DSCAM: variants seen among roughly 807,000 people sequenced by gnomAD.
DSCAM encodes DS cell adhesion molecule.
Under a neutral mutation model 217.7 loss-of-function variants are expected in DSCAM, and 47 were observed. The observed-to-expected ratio is 0.22, with a 90% CI of 0.17 to 0.28. The LOEUF is 0.28. DSCAM is among the 10% of genes least tolerant of loss of function. The pLI, the probability that DSCAM is intolerant of heterozygous loss-of-function variation, is 1.00. For missense variants in DSCAM, 2,080 were observed against 2,618.3 expected, an observed-to-expected ratio of 0.79 and a Z score of 4.49; for synonymous variants, 1,056 against 1,015.3, an observed-to-expected ratio of 1.04 and a Z score of -0.76.
intron 4 of DSCAM, among the ~76,000 whole-genome samples, chr21:40,366,451 A>T (rs1465142152): frequency 6.6e-6 from 1 of 152,048 alleles, no homozygotes; most frequent in Non-Finnish European, 1.5e-5. Context: ...AACTTTTTCC[A>T]AAATATGCCA....
At chr21:40,330,451 CAT>C (rs2074366397) in intron 8 of DSCAM, among the ~76,000 whole-genome samples, 1 of 149,240 alleles carries the variant, frequency 6.7e-6, no homozygotes. Context: ...CAATCTTACA[CAT>C]AGTCTTTTTT....
At chr21:40,314,784 TG>T (rs2074178420) in intron 8 of DSCAM, among the ~76,000 whole-genome samples, 1 of 152,200 alleles carries the variant, frequency 6.6e-6, no homozygotes, top group African/African-American at 2.4e-5. Flanking sequence ...CAGGCTACTT[TG>T]GTTTAAGTTC....
chr21:40,577,739 G>A (rs1474907308), intron 3 of DSCAM, among the ~76,000 whole-genome samples: 1 of 152,164 alleles, frequency 6.6e-6, no homozygotes, highest in East Asian at 1.9e-4. Flanking sequence ...AAGTTAAGTA[G>A]GCAAAAAGTT....
At chr21:40,734,992 T>C (rs2091049243) in intron 1 of DSCAM, among the ~76,000 whole-genome samples, 1 of 152,250 alleles carries the variant, frequency 6.6e-6, no homozygotes, top group Non-Finnish European at 1.5e-5. Flanking sequence ...GAAATGCTGG[T>C]TGGTTCAATA....
intron 16 of DSCAM, among the ~76,000 whole-genome samples, chr21:40,147,994 G>A (rs945453039): frequency 2.0e-5 from 3 of 152,022 alleles, no homozygotes; most frequent in African/African-American, 7.2e-5. Context: ...TTAAGTCCAT[G>A]TTTCAATTGG....
intron 3 of DSCAM, among the ~76,000 whole-genome samples, chr21:40,377,947 C>T (rs34495801): frequency 4.6e-5 from 7 of 152,142 alleles, no homozygotes; most frequent in African/African-American, 1.4e-4. Flanking sequence ...ATAAGAACAT[C>T]CATGTAAGAA....
chr21:40,371,632 G>A (rs970356797), intron 3 of DSCAM, among the ~76,000 whole-genome samples: 2 of 152,110 alleles, frequency 1.3e-5, no homozygotes, highest in East Asian at 1.9e-4. Flanking sequence ...GGAACATTTT[G>A]TTCTTGTAAT....
chr21:40,683,943 C>T (rs1322552412), intron 3 of DSCAM, among the ~76,000 whole-genome samples: 2 of 151,944 alleles, frequency 1.3e-5, no homozygotes, highest in Non-Finnish European at 2.9e-5. Flanking sequence ...TGGTTAAGAC[C>T]GGGCCACGCA....
chr21:40,312,109 C>G lies in DSCAM; in HGVS notation c.2034G>C (p.Val678=). ...TCIARNEAAA[V]EHQSQLIVRV... ...TGACAATCAACTGGCTTTGGTGCTCCACAGCGGCGGCCTCATTCCGGGCTA... is the reference window on the plus strand; with the variant it reads ...TGACAATCAACTGGCTTTGGTGCTCGACAGCGGCGGCCTCATTCCGGGCTA... Residue 678 remains valine (V), a synonymous_variant, in exon 9 of 33, where the codon GTG becomes GTC. Coordinates refer to ENST00000400454, the MANE Select transcript of DSCAM (RefSeq NM_001389.5). 1.2e-6 allele frequency: 2 copies of G among 1,613,994 alleles called. No homozygotes were observed. The highest frequency in any genetic ancestry group is 1.7e-6 in the Non-Finnish European group (2 of 1,179,958).
intron 6 of DSCAM, among the ~76,000 whole-genome samples, chr21:40,341,075 C>T (rs1417614723): frequency 1.3e-5 from 2 of 152,196 alleles, no homozygotes; most frequent in African/African-American, 2.4e-5. Flanking sequence ...TTCCTCCAGG[C>T]TATGCTCATA....
intron 3 of DSCAM, among the ~76,000 whole-genome samples, chr21:40,687,761 C>G (rs1413647775): frequency 6.6e-6 from 1 of 152,200 alleles, no homozygotes; most frequent in East Asian, 1.9e-4. Context: ...GTAGCTACAG[C>G]CTCAGGCCCT....
At chr21:40,572,602 G>T (rs1264560556) in intron 3 of DSCAM, among the ~76,000 whole-genome samples, 1 of 152,216 alleles carries the variant, frequency 6.6e-6, no homozygotes, top group South Asian at 2.1e-4. Context: ...AATCTCGACG[G>T]CTATGTTTAT....
At chr21:40,756,384 A>C (rs2091276594) in intron 1 of DSCAM, among the ~76,000 whole-genome samples, 1 of 152,020 alleles carries the variant, frequency 6.6e-6, no homozygotes, top group African/African-American at 2.4e-5. Context: ...TTCTTTATAA[A>C]TTACTCAGTC....
chr21:40,781,625 G>A (rs2091545049), intron 1 of DSCAM, among the ~76,000 whole-genome samples: 1 of 152,008 alleles, frequency 6.6e-6, no homozygotes. Context: ...TATACTTGGG[G>A]GTCCCGAAAC....
intron 3 of DSCAM, among the ~76,000 whole-genome samples, chr21:40,443,403 G>A (rs1376869691): frequency 1.3e-5 from 2 of 152,122 alleles, no homozygotes; most frequent in Non-Finnish European, 2.9e-5. Context: ...CTTAATTAAA[G>A]AGAATGTTCA....
At chr21:40,219,773 A>C (rs1076566) in intron 11 of DSCAM, among the ~76,000 whole-genome samples, 79,735 of 152,016 alleles carry the variant, frequency 0.52, 21,172 homozygotes, top group Middle Eastern at 0.63. Context: ...AAAACCAATA[A>C]CCAACAAGTG....
intron 11 of DSCAM, among the ~76,000 whole-genome samples, chr21:40,200,496 GC>G (rs2091058816): frequency 6.6e-6 from 1 of 152,234 alleles, no homozygotes; most frequent in African/African-American, 2.4e-5. Context: ...TCTTTTCTAA[GC>G]CTGAATTATA....
At chr21:40,459,935 T>A (rs2075792994) in intron 3 of DSCAM, among the ~76,000 whole-genome samples, 1 of 152,142 alleles carries the variant, frequency 6.6e-6, no homozygotes, top group Admixed American at 6.6e-5. Flanking sequence ...CCTATCGAAT[T>A]CATCAAATAA....
intron 1 of DSCAM, among the ~76,000 whole-genome samples, chr21:40,791,360 A>G (rs143437595): frequency 2.6e-5 from 4 of 151,774 alleles, no homozygotes; most frequent in Non-Finnish European, 5.9e-5. Context: ...TAAATAGAAT[A>G]ATGAAATTTT....
Sources: gnomAD v4.1 joint callset for allele counts (sites outside exome capture counted in the v4.1 genomes callset) on GRCh38, gnomAD v4.1.1 for gene constraint, MANE v1.5 for transcripts, NCBI Gene and HGNC (gene_info 2026-07-23, HGNC 2026-07-21) for gene names.